Variants in DENND2C observed in about 807,000 individuals in gnomAD.
DENND2C encodes the protein DENN domain-containing protein 2C.
In DENND2C, 72 loss-of-function variants were observed where a neutral mutation model predicts 112.4. The ratio of observed to expected loss-of-function variants is 0.64; its 90% confidence interval spans 0.53 to 0.78. The LOEUF is 0.78. DENND2C is among the 30% of genes least tolerant of loss of function. DENND2C has a pLI of 0.00. For synonymous variants in DENND2C, 329 were observed against 381.6 expected (o/e 0.86, Z 1.61); for missense variants, 992 against 1,113.8 (o/e 0.89, Z 1.56).
At chr1:114,633,553 A>T (rs1656559787) in intron 3 of DENND2C, among the ~76,000 whole-genome samples, 1 of 151,946 alleles carries the variant, frequency 6.6e-6, no homozygotes, top group African/African-American at 2.4e-5. Flanking sequence ...TTTATACATA[A>T]TTTGAAAGTG....
At chr1:114,611,778 AACAC>A (rs6143386) in intron 8 of DENND2C, among the ~76,000 whole-genome samples, 5,362 of 148,326 alleles carry the variant, frequency 0.036, 127 homozygotes, top group Middle Eastern at 0.069. Flanking sequence ...GAGCACAGGC[AACAC>A]ACACACACAC....
intron 14 of DENND2C, 79 bp from the exon 15 acceptor site, chr1:114,600,431 CTTA>C (rs139820917): frequency 1.9e-6 from 3 of 1,552,944 alleles, no homozygotes; most frequent in Non-Finnish European, 2.6e-6. Flanking sequence ...TCCTGTTATT[CTTA>C]TATAAGTTAA....
chr1:114,609,502 T>C (rs1655754837), intron 9 of DENND2C, among the ~76,000 whole-genome samples: 1 of 152,224 alleles, frequency 6.6e-6, no homozygotes, highest in Admixed American at 6.5e-5. Flanking sequence ...TAGCTGACTT[T>C]CTTAAAAGAA....
At chr1:114,601,043 G>A (rs1248104732) in intron 13 of DENND2C, 83 bp from the exon 14 acceptor site, 1 of 1,417,270 alleles carries the variant, frequency 7.1e-7, no homozygotes, top group Non-Finnish European at 9.4e-7. Flanking sequence ...CAAACCTGGT[G>A]TACAAACTTT....
chr1:114,621,859 G>GT, intron 7 of DENND2C, 36 bp downstream of exon 7: 1 of 1,548,996 alleles, frequency 6.5e-7, no homozygotes, highest in Non-Finnish European at 8.7e-7. Context: ...AAATGCTGAA[G>GT]TAAGAGTCAA....
chr1:114,600,183 CA>C lies in DENND2C; in HGVS notation c.2105+20del. 1.2e-6 allele frequency: 2 copies of C among 1,604,718 alleles called. No homozygotes were observed. Among genetic ancestry groups the C allele is most frequent in the South Asian group, 1.1e-5 (1 of 89,800 alleles). ...CAAATAAAACACCAGTGTGAAGTAA[CA>C]TATTTCACTTATTTCTTACCTTAGG... On this transcript the variant is annotated intron_variant, in intron 15 of 20. Coordinates refer to ENST00000393274, the MANE Select transcript of DENND2C (RefSeq NM_001256404.2).
At chr1:114,631,096 C>T (rs1369806192) in intron 3 of DENND2C, among the ~76,000 whole-genome samples, 1 of 152,248 alleles carries the variant, frequency 6.6e-6, no homozygotes, top group Non-Finnish European at 1.5e-5. Context: ...TTTAAAATGT[C>T]TGGGCACTGT....
intron 20 of DENND2C, chr1:114,587,145 A>G: frequency 2.2e-6 from 1 of 460,406 alleles, no homozygotes; most frequent in Non-Finnish European, 4.0e-6. Context: ...CAGGTGATCA[A>G]CCTGCCTCAG....
chr1:114,623,643 C>A lies in DENND2C; in HGVS notation c.807G>T (p.Arg269Ser). Residue 269 changes from arginine to serine, a missense_variant and splice_region_variant, in exon 5 of 21, where the codon AGG (arginine) becomes AGT (serine). Coordinates refer to ENST00000393274, the MANE Select transcript of DENND2C (RefSeq NM_001256404.2). Reference sequence around the variant, plus strand: ...GAATATCCTCAAATTCAAAGGATTTCCTTAAAAAAGGAGATATATTTTAAA... The same window carrying A: ...GAATATCCTCAAATTCAAAGGATTTACTTAAAAAAGGAGATATATTTTAAA... ...YGGKIRGRSK[R>S]KSFEFEDIQH... The A allele has an allele frequency of 6.3e-7, 1 of 1,584,322 alleles. No homozygotes were observed. Among genetic ancestry groups the A allele is most frequent in the East Asian group, 2.3e-5 (1 of 43,676 alleles).
chr1:114,626,423 C>T (rs1345903339), intron 3 of DENND2C, among the ~76,000 whole-genome samples: 2 of 151,526 alleles, frequency 1.3e-5, no homozygotes, highest in South Asian at 2.1e-4. Context: ...AATGTTCTGC[C>T]ATATTTAATT....
Position 114,626,053 on chromosome 1 carries a change from T to A in DENND2C, c.-69A>T. The A allele has an allele frequency of 7.2e-7, 1 of 1,393,118 alleles. No homozygotes were observed. Among genetic ancestry groups the A allele is most frequent in the Non-Finnish European group, 9.8e-7 (1 of 1,019,836 alleles). 86.3% of individuals were successfully genotyped at this position (1,393,118 alleles called of 1,614,324 possible). A position where few individuals can be genotyped will look rare whatever the true frequency, so the allele number is the denominator to read the frequency against. On this transcript the variant is annotated 5_prime_UTR_variant, in exon 4 of 21. Transcript: ENST00000393274. ...TCCATTACAAGTAAATGTGAAATAT[T>A]GTATTCTTTATCCTGTCAGAATCCA...
Position 114,625,586 on chromosome 1 carries a change from A to T in DENND2C, c.399T>A (p.Asp133Glu). 1 of 1,614,114 alleles carries T rather than the reference A, an allele frequency of 6.2e-7. No individual in the cohort carries two copies. The highest frequency in any genetic ancestry group is 8.5e-7 in the Non-Finnish European group (1 of 1,180,006). ...TTCCTGGAGGTAATGAAGTCTCTGG[A>T]TCTAAGACATCTTCTTTACAGCTTT... Reference protein sequence around the residue: ...EIESCKEDVLDPETSLPPGNF... With the variant: ...EIESCKEDVLEPETSLPPGNF... Residue 133 changes from aspartate to glutamate, a missense_variant, in exon 4 of 21, where the codon GAT (aspartate) becomes GAA (glutamate). This residue lies in a region of DENND2C where 470 missense variants were observed against 472.7 expected (regional missense o/e 0.99). Transcript: ENST00000393274.
At chr1:114,653,105 T>G (rs569593839) in intron 2 of DENND2C, among the ~76,000 whole-genome samples, 30 of 151,998 alleles carry the variant, frequency 2.0e-4, no homozygotes, top group African/African-American at 7.2e-4. Context: ...TTTTTTAACT[T>G]CACATTGGTA....
intron 8 of DENND2C, among the ~76,000 whole-genome samples, chr1:114,612,329 G>A (rs894631522): frequency 3.3e-5 from 5 of 151,472 alleles, no homozygotes; most frequent in Non-Finnish European, 5.9e-5. Context: ...CTGTTTGTGG[G>A]ACAATTTGGC....
intron 16 of DENND2C, 58 bp from the exon 17 acceptor site, chr1:114,595,931 C>A: frequency 6.7e-7 from 1 of 1,486,978 alleles, no homozygotes; most frequent in Admixed American, 1.8e-5. Flanking sequence ...CAAATACAGG[C>A]AATGAGAATA....
chr1:114,583,406 A>T lies in DENND2C; in HGVS notation c.*2194T>A, dbSNP rs1172319968. ...CTGTGCCAGTTAAAACCATCAGCAG[A>T]AACTGAAGAAAACAAACTGACATTT... On this transcript the variant is annotated 3_prime_UTR_variant, in exon 21 of 21. Transcript: ENST00000393274. 6.6e-6 allele frequency: 1 copy of T among 152,242 alleles called. No homozygotes were observed. Among genetic ancestry groups the T allele is most frequent in the South Asian group, 2.1e-4 (1 of 4,824 alleles). The allele number at this position is 152,242 out of a possible 1,614,324, so 9.4% of individuals were successfully genotyped here.
In DENND2C at chr1:114,646,117, C is replaced by T. The variant is rs183641474; in HGVS notation, c.-316-558G>A. ...AATTTTTTTGTATTTTTAGTAGAGA[C>T]GGGGTTTCACCATGTTAGCCAGGAT... On this transcript the variant is annotated intron_variant, in intron 2 of 20. Coordinates refer to ENST00000393274, the MANE Select transcript of DENND2C (RefSeq NM_001256404.2). 2.6e-3 allele frequency among the ~76,000 whole-genome samples: 395 copies of T among 152,014 alleles called. 3 individuals carry two copies. Among genetic ancestry groups the T allele is most frequent in the African/African-American group, 7.1e-3 (295 of 41,480 alleles).
At chr1:114,661,031 A>G (rs1657474175) in intron 1 of DENND2C, among the ~76,000 whole-genome samples, 1 of 150,618 alleles carries the variant, frequency 6.6e-6, no homozygotes, top group Non-Finnish European at 1.5e-5. Context: ...GAATCGCTTG[A>G]ACCCGGGAGG....
intron 10 of DENND2C, among the ~76,000 whole-genome samples, chr1:114,607,620 TAAG>T (rs1214429632): frequency 6.6e-6 from 1 of 152,212 alleles, no homozygotes; most frequent in Non-Finnish European, 1.5e-5. Flanking sequence ...AAACAGAGAC[TAAG>T]AAGATCTTTT....
Sources: gnomAD v4.1 joint callset for allele counts (sites outside exome capture counted in the v4.1 genomes callset) on GRCh38, gnomAD v4.1.1 for gene constraint, gnomAD v4.1.1 regional missense constraint, MANE v1.5 for transcripts, NCBI Gene and HGNC (gene_info 2026-07-23, HGNC 2026-07-21) for gene names.